TRAPPC9: variants seen among roughly 807,000 people sequenced by gnomAD.
TRAPPC9 encodes the protein trafficking protein particle complex subunit 9.
In TRAPPC9, 83 loss-of-function variants were observed where a neutral mutation model predicts 124.0. That is an observed-to-expected ratio of 0.67 (90% CI 0.56 to 0.80). TRAPPC9 has a LOEUF of 0.80. TRAPPC9 is among the 30% of genes least tolerant of loss of function. The pLI is 0.00. For synonymous variants in TRAPPC9, 638 were observed against 617.5 expected (o/e 1.03, Z -0.49); for missense variants, 1,302 against 1,508.3 (o/e 0.86, Z 2.27).
chr8:139,749,528 C>T (rs1429309923), intron 21 of TRAPPC9, among the ~76,000 whole-genome samples: 3 of 152,206 alleles, frequency 2.0e-5, no homozygotes, highest in African/African-American at 7.2e-5. Flanking sequence ...GAAAAGGTGC[C>T]ATGCTTGTCA....
intron 20 of TRAPPC9, among the ~76,000 whole-genome samples, chr8:139,898,116 G>A (rs1366242939): frequency 6.6e-6 from 1 of 152,224 alleles, no homozygotes; most frequent in Non-Finnish European, 1.5e-5. Context: ...AGTGGCGTAC[G>A]CAAGTGGGGC....
At chr8:140,048,940 G>A (rs1269487015) in intron 17 of TRAPPC9, among the ~76,000 whole-genome samples, 1 of 152,078 alleles carries the variant, frequency 6.6e-6, no homozygotes, top group African/African-American at 2.4e-5. Flanking sequence ...CTCGGTGCCC[G>A]GAACACAGCA....
intron 18 of TRAPPC9, among the ~76,000 whole-genome samples, chr8:140,014,205 G>A (rs1839317454): frequency 6.6e-6 from 1 of 152,106 alleles, no homozygotes; most frequent in Non-Finnish European, 1.5e-5. Context: ...ATAGATCAGA[G>A]TAGAAATGTC....
chr8:139,769,572 G>C (rs1379972617), intron 21 of TRAPPC9, among the ~76,000 whole-genome samples: 1 of 152,182 alleles, frequency 6.6e-6, no homozygotes, highest in East Asian at 1.9e-4. Context: ...TGAAACCAAG[G>C]AAAGCAAAAC....
intron 19 of TRAPPC9, chr8:139,911,222 T>G (rs1326574540): frequency 6.6e-6 from 1 of 152,234 alleles, no homozygotes. Context: ...GGGAGTTTCC[T>G]GCTGTCATCC....
At position 140,433,336 on chromosome 8, in the gene TRAPPC9, C is replaced by A. The variant is rs187781831; in HGVS notation, c.859+1776G>T. Among the ~76,000 whole-genome samples the A allele has an allele frequency of 1.5e-4, 23 of 152,074 alleles. No individual in the cohort carries two copies. In the East Asian group the frequency reaches 3.7e-3, roughly 24 times the overall value. ...AGGAGCGGTGGCTCACACCTGTAATCCCAACACTTTGGGAGGCCGAGGCAG... is the reference window on the plus strand; with the variant it reads ...AGGAGCGGTGGCTCACACCTGTAATACCAACACTTTGGGAGGCCGAGGCAG... On this transcript the variant is annotated intron_variant, in intron 4 of 22. Coordinates refer to ENST00000438773, the MANE Select transcript of TRAPPC9 (RefSeq NM_001160372.4).
intron 21 of TRAPPC9, among the ~76,000 whole-genome samples, chr8:139,741,226 C>G (rs1388062600): frequency 1.3e-5 from 2 of 152,334 alleles, no homozygotes; most frequent in African/African-American, 4.8e-5. Flanking sequence ...CGTGGCACTC[C>G]TCCTTGGTGC....
intron 17 of TRAPPC9, among the ~76,000 whole-genome samples, chr8:140,137,931 G>A (rs1303015835): frequency 6.6e-6 from 1 of 152,220 alleles, no homozygotes; most frequent in Non-Finnish European, 1.5e-5. Flanking sequence ...AGCATATCAT[G>A]TGTTATTAGC....
intron 16 of TRAPPC9, among the ~76,000 whole-genome samples, chr8:140,223,968 AATCAGAC>A (rs1441930495): frequency 6.6e-6 from 1 of 152,222 alleles, no homozygotes; most frequent in Admixed American, 6.5e-5. Flanking sequence ...CACATGAAGG[AATCAGAC>A]ATTGTGCATC....
intron 13 of TRAPPC9, 97 bp downstream of exon 13, chr8:140,287,511 G>T: frequency 6.7e-7 from 1 of 1,491,734 alleles, no homozygotes; most frequent in South Asian, 1.1e-5. Context: ...AACTGGTTAG[G>T]ACTGGCATGA....
rs1442362487 is a variant in TRAPPC9 at position 140,358,562 on chromosome 8, C to T, written c.1495+1488G>A. 5.3e-5 allele frequency among the ~76,000 whole-genome samples: 8 copies of T among 152,224 alleles called. No homozygotes were observed. The South Asian group carries it at 1.2e-3, about 24-fold the overall frequency. Reference sequence around the variant, plus strand: ...CCTCAGAGATGCACACCCCACGTTACCCTGGAGCCAGAGCCTGCTCAAAGA... The same window carrying T: ...CCTCAGAGATGCACACCCCACGTTATCCTGGAGCCAGAGCCTGCTCAAAGA... On this transcript the variant is annotated intron_variant, in intron 9 of 22. Coordinates refer to ENST00000438773, the MANE Select transcript of TRAPPC9 (RefSeq NM_001160372.4).
intron 20 of TRAPPC9, among the ~76,000 whole-genome samples, chr8:139,896,189 A>T (rs191444899): frequency 6.6e-6 from 1 of 152,360 alleles, no homozygotes; most frequent in African/African-American, 2.4e-5. Flanking sequence ...AAGAATGGCA[A>T]GGCTGGCTGA....
intron 3 of TRAPPC9, 75 bp from the exon 4 acceptor site, chr8:140,435,315 AC>A (rs2070777261): frequency 6.4e-7 from 1 of 1,559,264 alleles, no homozygotes; most frequent in Non-Finnish European, 8.8e-7. Flanking sequence ...CAAGTCAGTG[AC>A]CCTTCATTAG....
At chr8:139,871,276 T>C (rs1489598528) in intron 21 of TRAPPC9, among the ~76,000 whole-genome samples, 1 of 152,210 alleles carries the variant, frequency 6.6e-6, no homozygotes, top group Non-Finnish European at 1.5e-5. Context: ...GGGCATGCTA[T>C]GTTGAGTCCA....
At chr8:140,159,411 T>C (rs2130880077) in intron 17 of TRAPPC9, among the ~76,000 whole-genome samples, 1 of 152,254 alleles carries the variant, frequency 6.6e-6, no homozygotes, top group South Asian at 2.1e-4. Context: ...CCCATGCAAT[T>C]TCCCCTGTAT....
chr8:140,159,516 C>T (rs907476508), intron 17 of TRAPPC9, among the ~76,000 whole-genome samples: 2 of 152,184 alleles, frequency 1.3e-5, no homozygotes, highest in African/African-American at 4.8e-5. Flanking sequence ...AAATACAGCA[C>T]ATTAGGCAAG....
intron 19 of TRAPPC9, among the ~76,000 whole-genome samples, chr8:139,963,409 G>A (rs1277971484): frequency 1.3e-5 from 2 of 152,074 alleles, no homozygotes; most frequent in African/African-American, 4.8e-5. Flanking sequence ...TAAGGAATTT[G>A]CCCATTTTCA....
intron 17 of TRAPPC9, among the ~76,000 whole-genome samples, chr8:140,055,350 G>A (rs1240316805): frequency 6.6e-6 from 1 of 152,078 alleles, no homozygotes; most frequent in African/African-American, 2.4e-5. Flanking sequence ...AACGAGCCAG[G>A]AATGGGAAGA....
chr8:139,921,990 C>A (rs915864754), intron 19 of TRAPPC9, among the ~76,000 whole-genome samples: 14 of 152,122 alleles, frequency 9.2e-5, no homozygotes, highest in Admixed American at 3.9e-4. Flanking sequence ...CAGAGAAGCC[C>A]ACATGGAAAT....
Sources: gnomAD v4.1 joint callset for allele counts (sites outside exome capture counted in the v4.1 genomes callset) on GRCh38, gnomAD v4.1.1 for gene constraint, MANE v1.5 for transcripts, NCBI Gene and HGNC (gene_info 2026-07-23, HGNC 2026-07-21) for gene names.